The following CCDC122 variants were observed in gnomAD, a reference collection of about 807,000 sequenced individuals.
CCDC122 encodes coiled-coil domain containing 122.
A neutral mutation model predicts 37.0 loss-of-function variants in CCDC122; 38 were observed. The ratio of observed to expected loss-of-function variants is 1.03; its 90% CI spans 0.79 to 1.35. CCDC122 has a LOEUF of 1.35. CCDC122 is among the 40% of genes most tolerant of loss of function. The pLI is 0.00. For synonymous variants in CCDC122, 83 were observed against 95.6 expected (o/e 0.87, Z 0.77); for missense variants, 305 against 310.0 (o/e 0.98, Z 0.12).
intron 3 of CCDC122, among the ~76,000 whole-genome samples, chr13:43,827,132 T>C (rs1256641285): frequency 6.6e-6 from 1 of 152,194 alleles, no homozygotes; most frequent in African/African-American, 2.4e-5. Flanking sequence ...GTTCAAAGTA[T>C]TTATAATGAA....
intron 4 of CCDC122, among the ~76,000 whole-genome samples, chr13:43,865,418 G>A (rs577271653): frequency 1.3e-5 from 2 of 152,112 alleles, no homozygotes; most frequent in Admixed American, 6.5e-5. Context: ...AGACCTCCGT[G>A]GACGTCTGAA....
At chr13:43,833,687 C>T (rs1291900620), downstream of CCDC122, among the ~76,000 whole-genome samples, 1 of 152,158 alleles carries the variant, frequency 6.6e-6, no homozygotes, top group Non-Finnish European at 1.5e-5. Context: ...TGATCCTAAG[C>T]ACCAGGAAGA....
intron 3 of CCDC122, among the ~76,000 whole-genome samples, chr13:43,830,253 T>C (rs1953077159): frequency 6.6e-6 from 1 of 152,134 alleles, no homozygotes; most frequent in African/African-American, 2.4e-5. Context: ...TTTCTTCCCT[T>C]TGGCTGCTGC....
chr13:43,831,514 T>A (rs1953089516), downstream of CCDC122, among the ~76,000 whole-genome samples: 1 of 152,180 alleles, frequency 6.6e-6, no homozygotes, highest in African/African-American at 2.4e-5. Flanking sequence ...TGTAAAATAA[T>A]GTTAGGGAGA....
intron 2 of CCDC122, among the ~76,000 whole-genome samples, chr13:43,869,819 G>C (rs1566954450): frequency 6.6e-6 from 1 of 152,026 alleles, no homozygotes; most frequent in Non-Finnish European, 1.5e-5. Context: ...TGATGAAATA[G>C]ATTCTGAGAC....
At chr13:43,875,595 A>C (rs1954585246) in intron 1 of CCDC122, among the ~76,000 whole-genome samples, 1 of 152,234 alleles carries the variant, frequency 6.6e-6, no homozygotes, top group East Asian at 1.9e-4. Context: ...CAGTCCAGGA[A>C]GTCTATAAAT....
intron 6 of CCDC122, among the ~76,000 whole-genome samples, chr13:43,842,654 T>C (rs1953394321): frequency 1.3e-5 from 2 of 152,034 alleles, no homozygotes; most frequent in Non-Finnish European, 2.9e-5. Context: ...TTTTCTAAAC[T>C]ATGAACATAG....
At chr13:43,876,094 A>G (rs2153881171) in intron 1 of CCDC122, among the ~76,000 whole-genome samples, 1 of 152,318 alleles carries the variant, frequency 6.6e-6, no homozygotes, top group Admixed American at 6.5e-5. Flanking sequence ...CAGAAGAGGT[A>G]AGTGAACCAC....
intron 4 of CCDC122, among the ~76,000 whole-genome samples, chr13:43,865,980 T>C (rs1954263189): frequency 6.6e-6 from 1 of 152,144 alleles, no homozygotes; most frequent in African/African-American, 2.4e-5. Flanking sequence ...TAAGGTTTAG[T>C]TGAACATAAG....
chr13:43,844,955 T>C (rs1953471079), intron 6 of CCDC122, among the ~76,000 whole-genome samples: 2 of 152,196 alleles, frequency 1.3e-5, no homozygotes, highest in African/African-American at 2.4e-5. Context: ...GCTTAGCTCA[T>C]TTACATTTAA....
intron 6 of CCDC122, among the ~76,000 whole-genome samples, chr13:43,856,813 C>T (rs1953927195): frequency 6.6e-6 from 1 of 152,052 alleles, no homozygotes; most frequent in Non-Finnish European, 1.5e-5. Context: ...ACTTTCTGGA[C>T]ATGCTGGGAA....
At chr13:43,876,030 G>A (rs1377465011) in intron 1 of CCDC122, among the ~76,000 whole-genome samples, 1 of 152,214 alleles carries the variant, frequency 6.6e-6, no homozygotes, top group Non-Finnish European at 1.5e-5. Flanking sequence ...ATGGAGGCAT[G>A]GAGCTTGAAG....
chr13:43,830,244 T>G (rs1340225146), intron 3 of CCDC122, among the ~76,000 whole-genome samples: 1 of 152,164 alleles, frequency 6.6e-6, no homozygotes, highest in African/African-American at 2.4e-5. Context: ...GTGATTAGAT[T>G]TCTTCCCTTT....
intron 3 of CCDC122, among the ~76,000 whole-genome samples, chr13:43,830,336 A>T (rs928642257): frequency 1.3e-5 from 2 of 152,164 alleles, no homozygotes; most frequent in African/African-American, 2.4e-5. Context: ...TTGAAAATAG[A>T]GATTTCAATG....
At chr13:43,856,090 G>A (rs1169549438) in intron 6 of CCDC122, 1 of 152,112 alleles carries the variant, frequency 6.6e-6, no homozygotes, top group Non-Finnish European at 1.5e-5. Context: ...ACTATCCTAA[G>A]TGAATTAATG....
chr13:43,839,662 TGCTAA>T (rs1236913495), intron 6 of CCDC122, among the ~76,000 whole-genome samples: 2 of 152,218 alleles, frequency 1.3e-5, no homozygotes, highest in African/African-American at 4.8e-5. Context: ...TTTCAGGAAC[TGCTAA>T]GCTGTTTTTC....
chr13:43,874,647 C>CT (rs1468344795), intron 2 of CCDC122, 195 bp downstream of exon 2: 21 of 151,836 alleles, frequency 1.4e-4, no homozygotes, highest in Admixed American at 7.2e-4. Flanking sequence ...TTTTTTTTCC[C>CT]CAGACTTCTG....
intron 1 of CCDC122, among the ~76,000 whole-genome samples, chr13:43,878,432 T>A (rs1448759157): frequency 2.6e-5 from 4 of 152,224 alleles, no homozygotes; most frequent in African/African-American, 9.6e-5. Context: ...TGGGTTTCCA[T>A]TCTGGGTTAG....
chr13:43,864,978 T>C (rs921415765), intron 4 of CCDC122, among the ~76,000 whole-genome samples: 5 of 152,110 alleles, frequency 3.3e-5, no homozygotes, highest in Non-Finnish European at 7.4e-5. Context: ...CCTTAAACTA[T>C]GCGGGGTTGA....
Sources: gnomAD v4.1 joint callset for allele counts (sites outside exome capture counted in the v4.1 genomes callset) on GRCh38, gnomAD v4.1.1 for gene constraint, MANE v1.5 for transcripts, NCBI Gene and HGNC (gene_info 2026-07-23, HGNC 2026-07-21) for gene names.